BCAS3: variants seen among roughly 807,000 people sequenced by gnomAD.
The protein encoded by BCAS3 is BCAS3 microtubule associated cell migration factor.
In BCAS3, 53 loss-of-function variants were observed where a neutral mutation model predicts 116.1. The observed-to-expected ratio is 0.46, with a 90% CI of 0.37 to 0.57. The LOEUF (loss-of-function observed/expected upper bound fraction) is 0.57. BCAS3 is among the 20% of genes least tolerant of loss of function. The pLI is 0.00. For synonymous variants in BCAS3, 391 were observed against 408.2 expected, an observed-to-expected ratio of 0.96 and a Z score of 0.51; for missense variants, 917 against 1,165.4, an observed-to-expected ratio of 0.79 and a Z score of 3.10.
intron 7 of BCAS3, among the ~76,000 whole-genome samples, chr17:60,812,461 G>A (rs2048923125): frequency 6.6e-6 from 1 of 152,186 alleles, no homozygotes; most frequent in Non-Finnish European, 1.5e-5. Context: ...AAGGGCACTT[G>A]TGACTTTTTG....
At chr17:60,866,356 C>T (rs866490996) in intron 7 of BCAS3, among the ~76,000 whole-genome samples, 1 of 151,866 alleles carries the variant, frequency 6.6e-6, no homozygotes, top group Non-Finnish European at 1.5e-5. Context: ...CTTGAACTCC[C>T]AACCTCAGGT....
intron 19 of BCAS3, among the ~76,000 whole-genome samples, chr17:61,047,941 G>C (rs1455242770): frequency 6.6e-6 from 1 of 151,954 alleles, no homozygotes; most frequent in African/African-American, 2.4e-5. Flanking sequence ...ATCAGGCTGT[G>C]ATGTGTGAAA....
rs1568997945 is a variant in BCAS3 at position 61,388,665 on chromosome 17, G to A, written c.2594-3312G>A. ...ACAATGCCAACAGCCCAGCGTCCGTGAGCAACCCAACAGTAACAAAGCATG... is the reference window on the plus strand; with the variant it reads ...ACAATGCCAACAGCCCAGCGTCCGTAAGCAACCCAACAGTAACAAAGCATG... On this transcript the variant is annotated intron_variant, in intron 23 of 23. Transcript: ENST00000407086. This position sits in a 1 kb window ranked among gnomAD's most constrained non-coding sequence, Gnocchi z 6.5. 6.5e-7 allele frequency: 1 copy of A among 1,548,122 alleles called. No individual in the cohort carries two copies. The highest frequency in any genetic ancestry group is 1.9e-5 in the Admixed American group (1 of 52,446).
At chr17:60,690,542 C>G (rs2034666568) in intron 4 of BCAS3, among the ~76,000 whole-genome samples, 1 of 151,008 alleles carries the variant, frequency 6.6e-6, no homozygotes. Flanking sequence ...TGCACTCCAG[C>G]CTGGGTGATG....
rs987063202 is a variant in BCAS3 at position 61,387,803 on chromosome 17, G to A, written c.2594-4174G>A. Among the ~76,000 whole-genome samples, 7 of 152,128 alleles carry A rather than the reference G, an allele frequency of 4.6e-5. No individual in the cohort carries two copies. The highest frequency in any genetic ancestry group is 4.6e-4 in the Admixed American group (7 of 15,278). On this transcript the variant is annotated intron_variant, in intron 23 of 23. Coordinates refer to ENST00000407086, the MANE Select transcript of BCAS3 (RefSeq NM_017679.5). This position sits in a 1 kb window ranked among gnomAD's most constrained non-coding sequence, Gnocchi z 6.2. Reference sequence around the variant, plus strand: ...TGGGAGGTGAAGAACCAGAGCTAGTGGTTGCTTCGTCTTCCTTGGTTTTGC... The same window carrying A: ...TGGGAGGTGAAGAACCAGAGCTAGTAGTTGCTTCGTCTTCCTTGGTTTTGC...
intron 5 of BCAS3, chr17:60,727,387 C>T: frequency 1.3e-6 from 2 of 1,595,432 alleles, no homozygotes; most frequent in Non-Finnish European, 1.7e-6. Flanking sequence ...CCTGGGCATA[C>T]AAGGAATCCT....
intron 6 of BCAS3, among the ~76,000 whole-genome samples, chr17:60,775,445 T>C (rs1568224705): frequency 6.6e-6 from 1 of 152,232 alleles, no homozygotes; most frequent in Admixed American, 6.5e-5. Flanking sequence ...GCCTCCATGT[T>C]ATCATTTAAA....
chr17:60,927,774 A>G (rs1387167407), intron 13 of BCAS3, among the ~76,000 whole-genome samples: 1 of 152,152 alleles, frequency 6.6e-6, no homozygotes, highest in Non-Finnish European at 1.5e-5. Context: ...AGTGATGAAA[A>G]TAATGGTTAT....
rs2066878629 is a variant in BCAS3, at chr17:61,034,631, G to C, written c.1638-35G>C. The C allele has an allele frequency of 6.4e-7, 1 of 1,557,702 alleles. No homozygotes were observed. Among genetic ancestry groups the C allele is most frequent in the Middle Eastern group, 1.7e-4 (1 of 5,892 alleles). On this transcript the variant is annotated intron_variant, in intron 16 of 23. Transcript: ENST00000407086. The surrounding 1 kb of genome is among the most constrained non-coding windows in gnomAD (Gnocchi z 5.0). ...ACCTAAAGGAGTATCATTTCATCAT[G>C]ATAATTGTTTTTTACTCTTATTTTA...
rs75711022 is a variant in BCAS3, at chr17:61,342,721, A to G, written c.2426-25606A>G. Among the ~76,000 whole-genome samples, 323 of 151,472 alleles carry G rather than the reference A, an allele frequency of 2.1e-3. 1 individual carries two copies. The highest frequency in any genetic ancestry group is 7.5e-3 in the African/African-American group (309 of 41,286). On this transcript the variant is annotated intron_variant, in intron 22 of 23. Transcript: ENST00000407086. ...ACACAGTAAAGGGCTAGAGGTTTCT[A>G]TCATGTACTGTATGAAGAGATTTTC...
intron 6 of BCAS3, among the ~76,000 whole-genome samples, chr17:60,792,561 C>A (rs1037924664): frequency 6.6e-6 from 1 of 152,294 alleles, no homozygotes; most frequent in East Asian, 1.9e-4. Context: ...AGTGACACTT[C>A]AAGGATTCTG....
rs1012833581 is a variant in BCAS3, at chr17:61,222,635, A to G, written c.2425+138071A>G. Among the ~76,000 whole-genome samples, 2 of 151,944 alleles carry G rather than the reference A, an allele frequency of 1.3e-5. No individual in the cohort carries two copies. Among genetic ancestry groups the G allele is most frequent in the Non-Finnish European group, 2.9e-5 (2 of 68,002 alleles). ...GAACATGGTTAATTTGTTCTGGTTT[A>G]TTGTTGATTGGGTGATTTATGTCAC... On this transcript the variant is annotated intron_variant, in intron 22 of 23. Coordinates refer to ENST00000407086, the MANE Select transcript of BCAS3 (RefSeq NM_017679.5). The surrounding 1 kb of genome is among the most constrained non-coding windows in gnomAD (Gnocchi z 6.1).
chr17:60,930,753 C>T (rs2059603862), intron 13 of BCAS3, among the ~76,000 whole-genome samples: 1 of 152,294 alleles, frequency 6.6e-6, no homozygotes, highest in South Asian at 2.1e-4. Flanking sequence ...CCACTGCGTC[C>T]AGCCCTTTTA....
intron 9 of BCAS3, among the ~76,000 whole-genome samples, chr17:60,876,203 T>A (rs1254318799): frequency 6.6e-6 from 1 of 152,068 alleles, no homozygotes; most frequent in Non-Finnish European, 1.5e-5. Flanking sequence ...AGGTTTTTGA[T>A]ACACCAAAAC....
rs2081434705 is a variant in BCAS3, at chr17:61,211,111, C to T, written c.2425+126547C>T. ...AGGCACGGGGGAGAAAAGGCAGTTGCAGATAGTAATGTTTGGAGGCATGCT... is the reference window on the plus strand; with the variant it reads ...AGGCACGGGGGAGAAAAGGCAGTTGTAGATAGTAATGTTTGGAGGCATGCT... On this transcript the variant is annotated intron_variant, in intron 22 of 23. Coordinates refer to ENST00000407086, the MANE Select transcript of BCAS3 (RefSeq NM_017679.5). This position sits in a 1 kb window ranked among gnomAD's most constrained non-coding sequence, Gnocchi z 4.4. Among the ~76,000 whole-genome samples, 1 of 152,076 alleles carries T rather than the reference C, an allele frequency of 6.6e-6. No homozygotes were observed. Among genetic ancestry groups the T allele is most frequent in the Admixed American group, 6.6e-5 (1 of 15,246 alleles).
rs185540478 is a variant in BCAS3 at position 61,037,051 on chromosome 17, T to C, written c.1763-838T>C. ...AACCAGAGTGGTACGTGTGTTTGGA[T>C]TGATGAACCTACATTGACACATCAA... On this transcript the variant is annotated intron_variant, in intron 17 of 23. Transcript: ENST00000407086. The surrounding 1 kb of genome is among the most constrained non-coding windows in gnomAD (Gnocchi z 4.7). 4.6e-5 allele frequency among the ~76,000 whole-genome samples: 7 copies of C among 152,298 alleles called. No individual in the cohort carries two copies. Among genetic ancestry groups the C allele is most frequent in the African/African-American group, 1.4e-4 (6 of 41,572 alleles).
intron 7 of BCAS3, among the ~76,000 whole-genome samples, chr17:60,856,841 T>C (rs2053720410): frequency 1.3e-5 from 2 of 152,236 alleles, no homozygotes; most frequent in South Asian, 4.1e-4. Flanking sequence ...TAATTTAACC[T>C]TTTAATTTTC....
intron 6 of BCAS3, among the ~76,000 whole-genome samples, chr17:60,799,706 TTC>T (rs2047569077): frequency 8.4e-6 from 1 of 118,448 alleles, no homozygotes; most frequent in Non-Finnish European, 1.6e-5. Context: ...TTTTTTTCTT[TTC>T]TTTTTTTTTT....
Position 61,352,623 on chromosome 17 carries a change from C to A in BCAS3, c.2426-15704C>A, listed in dbSNP as rs556206293. ...TTACCCGTAGGCGCCACACTTGGCA[C>A]ACAATGAGTCTGTGAGTTGAGGGGA... On this transcript the variant is annotated intron_variant, in intron 22 of 23. Transcript: ENST00000407086. This position sits in a 1 kb window ranked among gnomAD's most constrained non-coding sequence, Gnocchi z 4.7. Among the ~76,000 whole-genome samples the A allele has an allele frequency of 6.6e-6, 1 of 152,286 alleles. No homozygotes were observed. The highest frequency in any genetic ancestry group is 6.5e-5 in the Admixed American group (1 of 15,308).
Sources: allele counts gnomAD v4.1 joint callset (sites outside exome capture counted in the v4.1 genomes callset), GRCh38; gene constraint gnomAD v4.1.1; non-coding constraint Gnocchi (gnomAD v3.1); transcripts MANE v1.5; gene names NCBI Gene and HGNC (gene_info 2026-07-23, HGNC 2026-07-21).